PLCL1: variants seen among roughly 807,000 people sequenced by gnomAD.
PLCL1 encodes the protein phospholipase C like 1 (inactive), also known as inactive phospholipase C-like protein 1.
Under a neutral mutation model 84.4 loss-of-function variants are expected in PLCL1, and 41 were observed. The ratio of observed to expected loss-of-function variants is 0.49; its 90% confidence interval spans 0.38 to 0.63. The LOEUF (loss-of-function observed/expected upper bound fraction) is 0.63. Among genes scored for constraint, PLCL1 ranks in the 30% least tolerant of loss-of-function variants. The pLI is 0.00. For missense variants in PLCL1, 1,206 were observed against 1,367.8 expected (o/e 0.88, Z 1.87); for synonymous variants, 490 against 488.3 (o/e 1.00, Z -0.05).
intron 1 of PLCL1, among the ~76,000 whole-genome samples, chr2:198,034,380 T>C (rs1691504262): frequency 6.6e-6 from 1 of 152,182 alleles, no homozygotes; most frequent in South Asian, 2.1e-4. Flanking sequence ...ACTGGGTATA[T>C]ACCCAAAGGA....
intron 3 of PLCL1, among the ~76,000 whole-genome samples, chr2:198,092,250 T>G (rs988430666): frequency 6.6e-6 from 1 of 151,450 alleles, no homozygotes; most frequent in Middle Eastern, 3.2e-3. Flanking sequence ...TACCTGCCTC[T>G]CCAGCTTCAC....
chr2:198,143,751 T>G (rs536423982), intron 5 of PLCL1, among the ~76,000 whole-genome samples: 1 of 152,296 alleles, frequency 6.6e-6, no homozygotes, highest in South Asian at 2.1e-4. Flanking sequence ...CAGGTTGTGA[T>G]TCCTGGAACC....
At chr2:198,077,624 T>C (rs1692610356) in intron 1 of PLCL1, among the ~76,000 whole-genome samples, 1 of 152,148 alleles carries the variant, frequency 6.6e-6, no homozygotes, top group Non-Finnish European at 1.5e-5. Flanking sequence ...TGTACTATGC[T>C]CAAGGTTCTA....
chr2:197,992,257 C>A (rs1690360632), intron 1 of PLCL1, among the ~76,000 whole-genome samples: 1 of 152,010 alleles, frequency 6.6e-6, no homozygotes, highest in Non-Finnish European at 1.5e-5. Context: ...ATCATTTTAA[C>A]TATTAAATTA....
chr2:197,820,946 A>G (rs1378403314), intron 1 of PLCL1, among the ~76,000 whole-genome samples: 6 of 152,152 alleles, frequency 3.9e-5, no homozygotes, highest in Admixed American at 2.0e-4. Flanking sequence ...CTGTATTCTT[A>G]TTAATGGTTT....
intron 1 of PLCL1, among the ~76,000 whole-genome samples, chr2:197,970,242 T>G (rs62277895): frequency 0.012 from 1,766 of 152,178 alleles, 24 homozygotes; most frequent in Middle Eastern, 0.027. Flanking sequence ...GGCAAGTGAG[T>G]GTGTGTAAAA....
intron 1 of PLCL1, among the ~76,000 whole-genome samples, chr2:197,972,652 C>A (rs367556804): frequency 6.6e-6 from 1 of 152,156 alleles, no homozygotes; most frequent in African/African-American, 2.4e-5. Flanking sequence ...TTTCTGGGTC[C>A]ATTTTTCTCC....
At chr2:198,092,453 C>T (rs1354429318) in intron 3 of PLCL1, among the ~76,000 whole-genome samples, 1 of 152,146 alleles carries the variant, frequency 6.6e-6, no homozygotes. Context: ...ATATCCATCA[C>T]CTCAAACATT....
chr2:198,115,049 G>C (rs62277908), intron 5 of PLCL1, among the ~76,000 whole-genome samples: 13,149 of 151,832 alleles, frequency 0.087, 740 homozygotes, highest in Middle Eastern at 0.22. Flanking sequence ...TATAGGGAAG[G>C]GCACAGAAGG....
At chr2:197,911,474 GA>G (rs1450605262) in intron 1 of PLCL1, among the ~76,000 whole-genome samples, 9 of 151,984 alleles carry the variant, frequency 5.9e-5, no homozygotes, top group African/African-American at 1.7e-4. Context: ...TCCAAGAATA[GA>G]AAAAATAATC....
At chr2:198,047,165 ATG>A (rs10560234) in intron 1 of PLCL1, among the ~76,000 whole-genome samples, 39,719 of 148,486 alleles carry the variant, frequency 0.27, 6,093 homozygotes, top group African/African-American at 0.44. Flanking sequence ...ATGTGTGTGT[ATG>A]TGTGTGTGTG....
At chr2:198,031,983 G>A (rs1691439886) in intron 1 of PLCL1, among the ~76,000 whole-genome samples, 1 of 151,950 alleles carries the variant, frequency 6.6e-6, no homozygotes, top group Non-Finnish European at 1.5e-5. Flanking sequence ...TTCATTTGTT[G>A]GGCATGTAGA....
At chr2:197,880,594 C>G (rs1241372721) in intron 1 of PLCL1, among the ~76,000 whole-genome samples, 1 of 152,100 alleles carries the variant, frequency 6.6e-6, no homozygotes, top group African/African-American at 2.4e-5. Flanking sequence ...AAAAGGCAAT[C>G]TACTCCAAAA....
chr2:197,933,820 GTC>G (rs1223364540), intron 1 of PLCL1, among the ~76,000 whole-genome samples: 2 of 151,922 alleles, frequency 1.3e-5, no homozygotes, highest in African/African-American at 4.8e-5. Flanking sequence ...TATAATAATT[GTC>G]TATATATATA....
At chr2:197,929,809 T>G (rs1688899658) in intron 1 of PLCL1, among the ~76,000 whole-genome samples, 1 of 152,198 alleles carries the variant, frequency 6.6e-6, no homozygotes, top group South Asian at 2.1e-4. Flanking sequence ...TCTCATTCGT[T>G]GACTTGCATT....
At chr2:198,111,003 T>C (rs1381949926) in intron 5 of PLCL1, among the ~76,000 whole-genome samples, 1 of 151,842 alleles carries the variant, frequency 6.6e-6, no homozygotes, top group African/African-American at 2.4e-5. Flanking sequence ...GATATTATTA[T>C]ACTATCAATT....
intron 1 of PLCL1, among the ~76,000 whole-genome samples, chr2:197,970,196 C>T (rs1689832373): frequency 6.6e-6 from 1 of 152,160 alleles, no homozygotes; most frequent in Non-Finnish European, 1.5e-5. Context: ...TGATAAGGGC[C>T]TTCTTGCTAT....
intron 1 of PLCL1, among the ~76,000 whole-genome samples, chr2:197,828,062 G>A (rs1285306477): frequency 6.6e-6 from 1 of 152,020 alleles, no homozygotes; most frequent in Non-Finnish European, 1.5e-5. Context: ...TTTAGGTCAT[G>A]TTTTAGAGAT....
chr2:198,052,065 A>T (rs1241050602), intron 1 of PLCL1, among the ~76,000 whole-genome samples: 1 of 152,182 alleles, frequency 6.6e-6, no homozygotes, highest in Non-Finnish European at 1.5e-5. Context: ...ATGCGCCACC[A>T]TGCCCGGCTA....
Sources: gnomAD v4.1 joint callset for allele counts (sites outside exome capture counted in the v4.1 genomes callset) on GRCh38, gnomAD v4.1.1 for gene constraint, MANE v1.5 for transcripts, NCBI Gene and HGNC (gene_info 2026-07-23, HGNC 2026-07-21) for gene names.